HIBADH: variants seen among roughly 807,000 people sequenced by gnomAD.
HIBADH encodes 3-hydroxyisobutyrate dehydrogenase.
A neutral mutation model predicts 36.1 loss-of-function variants in HIBADH; 25 were observed. That is an observed-to-expected ratio of 0.69 (90% CI 0.50 to 0.97). The LOEUF is 0.97. Ranked by LOEUF, HIBADH falls within the 50% of genes least tolerant of loss-of-function variation. The probability of loss-of-function intolerance (pLI) is 0.00; values close to 1 mark genes in which losing one functional copy is unlikely to be tolerated. For missense variants in HIBADH, 421 were observed against 418.0 expected (o/e 1.01, Z -0.06); for synonymous variants, 160 against 149.5 (o/e 1.07, Z -0.51).
chr7:27,660,458 T>TA (rs1167084058), intron 1 of HIBADH, among the ~76,000 whole-genome samples: 1 of 152,330 alleles, frequency 6.6e-6, no homozygotes, highest in East Asian at 1.9e-4. Flanking sequence ...GGTCAAGTGA[T>TA]AGAGACCATC....
chr7:27,623,117 C>A (rs1785573480), intron 4 of HIBADH, among the ~76,000 whole-genome samples: 1 of 152,098 alleles, frequency 6.6e-6, no homozygotes, highest in South Asian at 2.1e-4. Flanking sequence ...TGCAAATCAA[C>A]AAATGTGATA....
At chr7:27,543,634 T>C (rs1189152930) in intron 4 of HIBADH, among the ~76,000 whole-genome samples, 2 of 152,168 alleles carry the variant, frequency 1.3e-5, no homozygotes, top group African/African-American at 4.8e-5. Flanking sequence ...GCATTTCAGA[T>C]GGTAGATTCT....
chr7:27,567,523 T>C (rs1413000593), intron 4 of HIBADH, among the ~76,000 whole-genome samples: 1 of 152,156 alleles, frequency 6.6e-6, no homozygotes, highest in Non-Finnish European at 1.5e-5. Context: ...TAGTTTATTT[T>C]CTGCTTGTCC....
intron 7 of HIBADH, among the ~76,000 whole-genome samples, chr7:27,527,778 T>TTC (rs1019502804): frequency 7.2e-6 from 1 of 137,968 alleles, no homozygotes; most frequent in Non-Finnish European, 1.6e-5. Flanking sequence ...GAGACGGAGT[T>TTC]TCTCTCTTGT....
chr7:27,544,514 C>T (rs906885403), intron 4 of HIBADH, among the ~76,000 whole-genome samples: 1 of 152,174 alleles, frequency 6.6e-6, no homozygotes, highest in Admixed American at 6.5e-5. Flanking sequence ...TTCAAACATT[C>T]TTATAACATT....
At chr7:27,565,625 G>A (rs1741830315) in intron 4 of HIBADH, among the ~76,000 whole-genome samples, 1 of 152,136 alleles carries the variant, frequency 6.6e-6, no homozygotes, top group Non-Finnish European at 1.5e-5. Flanking sequence ...AATATGAATA[G>A]TTTTATTTCT....
At chr7:27,571,947 C>G (rs549387557) in intron 4 of HIBADH, among the ~76,000 whole-genome samples, 2 of 152,298 alleles carry the variant, frequency 1.3e-5, no homozygotes, top group East Asian at 3.9e-4. Context: ...CCAGCATAGA[C>G]AGACAGATTT....
At chr7:27,580,170 A>G (rs1784768344) in intron 4 of HIBADH, among the ~76,000 whole-genome samples, 1 of 152,206 alleles carries the variant, frequency 6.6e-6, no homozygotes. Context: ...AATCAATTAT[A>G]TTGAGACTAT....
chr7:27,554,145 C>T (rs1483603040), intron 4 of HIBADH, among the ~76,000 whole-genome samples: 21 of 152,216 alleles, frequency 1.4e-4, no homozygotes, highest in Admixed American at 1.4e-3. Context: ...ACTACCACAG[C>T]TGGCTAATTT....
chr7:27,561,805 T>G (rs958882118), intron 4 of HIBADH, among the ~76,000 whole-genome samples: 1 of 152,174 alleles, frequency 6.6e-6, no homozygotes, highest in Non-Finnish European at 1.5e-5. Flanking sequence ...ACATACACGT[T>G]TACATTGTCA....
intron 4 of HIBADH, among the ~76,000 whole-genome samples, chr7:27,627,742 T>C (rs1004393519): frequency 2.0e-5 from 3 of 152,186 alleles, no homozygotes; most frequent in African/African-American, 7.2e-5. Context: ...TGTCAACCAA[T>C]AAATTACCAC....
chr7:27,599,543 G>A (rs549246737), intron 4 of HIBADH, among the ~76,000 whole-genome samples: 23 of 151,726 alleles, frequency 1.5e-4, no homozygotes, highest in East Asian at 5.8e-4. Context: ...TTAGCTGGGC[G>A]TGGTGGCAGG....
At chr7:27,626,104 GAAAAA>G (rs70994672) in intron 4 of HIBADH, among the ~76,000 whole-genome samples, 31 of 72,506 alleles carry the variant, frequency 4.3e-4, no homozygotes, top group African/African-American at 1.4e-3. Context: ...CTCCGTCTCA[GAAAAA>G]AAAAAAAAAA....
At chr7:27,645,368 A>ATGGTTTTTTTTTTTTT (rs1554300959) in intron 2 of HIBADH, among the ~76,000 whole-genome samples, 2 of 59,650 alleles carry the variant, frequency 3.4e-5, no homozygotes, top group African/African-American at 1.3e-4. Flanking sequence ...CATGGTTTTG[A>ATGGTTTTTTTTTTTTT]TTTTTTTTTT....
rs554570442 is a variant in HIBADH at position 27,544,879 on chromosome 7, A to G, written c.485-1779T>C. 2.1e-4 allele frequency among the ~76,000 whole-genome samples: 32 copies of G among 152,360 alleles called. 1 individual carries two copies. The highest frequency in any genetic ancestry group is 7.5e-4 in the African/African-American group (31 of 41,576). On this transcript the variant is annotated intron_variant, in intron 4 of 7. Coordinates refer to ENST00000265395, the MANE Select transcript of HIBADH (RefSeq NM_152740.4). ...TCACTTATTCAAACACATATTTTAA[A>G]AAGCAGAAATAAGTTGCTTAAGCAA...
At chr7:27,624,251 A>T (rs1785599977) in intron 4 of HIBADH, among the ~76,000 whole-genome samples, 1 of 152,244 alleles carries the variant, frequency 6.6e-6, no homozygotes, top group Non-Finnish European at 1.5e-5. Context: ...TATTCAAATC[A>T]ATCCTCAGCA....
intron 4 of HIBADH, among the ~76,000 whole-genome samples, chr7:27,612,974 TTA>T (rs1210193885): frequency 1.5e-5 from 2 of 137,884 alleles, no homozygotes; most frequent in African/African-American, 2.7e-5. Context: ...TATATATATA[TTA>T]TATATATATT....
intron 4 of HIBADH, among the ~76,000 whole-genome samples, chr7:27,593,338 T>C (rs1361290118): frequency 6.6e-6 from 1 of 152,178 alleles, no homozygotes; most frequent in Non-Finnish European, 1.5e-5. Context: ...GCATTTTGGC[T>C]AAGCAATAAT....
At chr7:27,568,412 T>C (rs1784579072) in intron 4 of HIBADH, among the ~76,000 whole-genome samples, 1 of 152,092 alleles carries the variant, frequency 6.6e-6, no homozygotes, top group Non-Finnish European at 1.5e-5. Context: ...CTGTAATGCA[T>C]CATTTTTTTT....
Sources: gnomAD v4.1 joint callset for allele counts (sites outside exome capture counted in the v4.1 genomes callset) on GRCh38, gnomAD v4.1.1 for gene constraint, MANE v1.5 for transcripts, NCBI Gene and HGNC (gene_info 2026-07-23, HGNC 2026-07-21) for gene names.